Variants in HERC1 observed in about 807,000 individuals in gnomAD.
HERC1 encodes the protein HECT and RLD domain containing E3 ubiquitin protein ligase family member 1, also known as probable E3 ubiquitin-protein ligase HERC1.
Under a neutral mutation model 554.3 loss-of-function variants are expected in HERC1, and 160 were observed. The ratio of observed to expected loss-of-function variants is 0.29; its 90% CI spans 0.25 to 0.33. The LOEUF (loss-of-function observed/expected upper bound fraction) is 0.33, where lower values mean the gene tolerates loss of function less well. HERC1 is among the 10% of genes least tolerant of loss of function. HERC1 has a pLI of 1.00. For synonymous variants in HERC1, 2,175 were observed against 2,131.7 expected, an observed-to-expected ratio of 1.02 and a Z score of -0.56; for missense variants, 4,919 against 5,918.5, an observed-to-expected ratio of 0.83 and a Z score of 5.54.
intron 1 of HERC1, among the ~76,000 whole-genome samples, chr15:63,789,554 T>G (rs901136419): frequency 2.6e-5 from 4 of 151,538 alleles, no homozygotes; most frequent in African/African-American, 9.7e-5. Context: ...TCCCCGCACT[T>G]CGGAAAGCCG....
rs757585823 is a variant in HERC1 at position 63,658,537 on chromosome 15, C to A, written c.9599+7G>T. 4 of 1,605,182 alleles carry A rather than the reference C, an allele frequency of 2.5e-6. No homozygotes were observed. The South Asian group carries it at 3.3e-5, about 13-fold the overall frequency. On this transcript the variant is annotated splice_region_variant and intron_variant, in intron 48 of 77. Coordinates refer to ENST00000443617, the MANE Select transcript of HERC1 (RefSeq NM_003922.4). ...CTTAGCATCATGTGACATAAAATAA[C>A]ACTTACCTGACTGAGAGAAGAGACA...
At chr15:63,632,514 T>C (rs2068606939) in intron 68 of HERC1, 195 bp downstream of exon 68, 2 of 658,314 alleles carry the variant, frequency 3.0e-6, no homozygotes, top group Middle Eastern at 4.0e-4. Context: ...GGGGTCTTAA[T>C]GGGGAGGGGA....
At chr15:63,632,115 T>A (rs550640528) in intron 68 of HERC1, among the ~76,000 whole-genome samples, 50 of 152,224 alleles carry the variant, frequency 3.3e-4, no homozygotes, top group African/African-American at 1.2e-3. Context: ...AAAACTAAAT[T>A]CCTTACCCTT....
In HERC1 at chr15:63,608,840, CAA is replaced by C. The variant is rs2067474166; in HGVS notation, c.*239_*240del. On this transcript the variant is annotated 3_prime_UTR_variant, in exon 78 of 78. Coordinates refer to ENST00000443617, the MANE Select transcript of HERC1 (RefSeq NM_003922.4). ...TTCATGCAAACTTATCAAAAGTGAC[CAA>C]AAATATGGAGGGAAAAACCTGACTG... The C allele has an allele frequency of 1.1e-5, 4 of 360,230 alleles. No homozygotes were observed. The South Asian group carries it at 2.1e-4, about 19-fold the overall frequency. 22.3% of individuals were successfully genotyped at this position (360,230 alleles called of 1,614,324 possible).
At chr15:63,743,256 T>C (rs1294169056) in intron 12 of HERC1, among the ~76,000 whole-genome samples, 1 of 110,562 alleles carries the variant, frequency 9.0e-6, no homozygotes, top group Admixed American at 1.1e-4. Flanking sequence ...TTTCTTTTTT[T>C]CTTTTTCTTT....
At chr15:63,747,156 T>C (rs536614835) in intron 11 of HERC1, 73 bp from the exon 12 acceptor site, 24 of 1,419,560 alleles carry the variant, frequency 1.7e-5, no homozygotes, top group Admixed American at 6.7e-5. Flanking sequence ...GGTAACATTT[T>C]TATATCTTTA....
intron 2 of HERC1, among the ~76,000 whole-genome samples, chr15:63,771,195 A>C (rs894435855): frequency 1.3e-5 from 2 of 152,164 alleles, no homozygotes; most frequent in South Asian, 4.2e-4. Context: ...CCTCAAAAAA[A>C]AAAAGAAAAG....
chr15:63,661,960 A>C lies in HERC1; in HGVS notation c.8963T>G (p.Val2988Gly). ...CTTCATGTGCTGATTGAAGCTGACG[A>C]CGCTGCATTCACACAGTTCACACAC... Reference protein sequence around the residue: ...VVVCELCECSVVSFNQHMKRN... With the variant: ...VVVCELCECSGVSFNQHMKRN... Residue 2988 changes from valine (V) to glycine (G), a missense_variant, in exon 45 of 78, where the codon GTC becomes GGC. Transcript: ENST00000443617. 1.2e-6 allele frequency: 2 copies of C among 1,613,944 alleles called. No individual in the cohort carries two copies. Among genetic ancestry groups the C allele is most frequent in the Non-Finnish European group, 1.7e-6 (2 of 1,179,876 alleles).
rs2069062777 is a variant in HERC1 at position 63,641,494 on chromosome 15, A to G, written c.11583T>C (p.Leu3861=). 6.2e-7 allele frequency: 1 copy of G among 1,613,108 alleles called. No individual in the cohort carries two copies. Residue 3861 remains leucine, a synonymous_variant, in exon 60 of 78, where the codon CTT becomes CTC. Coordinates refer to ENST00000443617, the MANE Select transcript of HERC1 (RefSeq NM_003922.4). ...RAFLERLPMM[L]QEQYAYEKPH... is the part of the protein sequence containing the mutation. ...CCTTTTCATAGGCATACTGCTCCTG[A>G]AGCATCATGGGGAGCCGCTCCAAAA...
chr15:63,645,598 A>G lies in HERC1; in HGVS notation c.10963T>C (p.Ser3655Pro). ...AKEDSVKLWG[S>P]ISGCWCCLHS... Reference sequence around the variant, plus strand: ...AGACAGCACCAGCATCCCGAAATAGAGCCCCAGAGTTTCACACTGTCTTCT... The same window carrying G: ...AGACAGCACCAGCATCCCGAAATAGGGCCCCAGAGTTTCACACTGTCTTCT... Residue 3655 changes from serine to proline, a missense_variant, in exon 56 of 78, where the codon TCT becomes CCT. Ser to Pro is a moderately conservative substitution (Grantham distance 74). Transcript: ENST00000443617. 6.2e-7 allele frequency: 1 copy of G among 1,613,086 alleles called. No individual in the cohort carries two copies. Among genetic ancestry groups the G allele is most frequent in the East Asian group, 2.2e-5 (1 of 44,830 alleles).
intron 30 of HERC1, 142 bp downstream of exon 30, chr15:63,693,822 A>T (rs1321530333): frequency 3.5e-6 from 3 of 847,916 alleles, no homozygotes; most frequent in East Asian, 5.3e-5. Flanking sequence ...ATATACGTGA[A>T]GAGAAAAGAG....
chr15:63,809,545 A>G (rs745820904), intron 1 of HERC1, among the ~76,000 whole-genome samples: 1 of 152,192 alleles, frequency 6.6e-6, no homozygotes. Context: ...ATGAAGAGAA[A>G]GAATGGCCAG....
intron 32 of HERC1, 27 bp downstream of exon 32, chr15:63,690,514 T>A: frequency 6.8e-7 from 1 of 1,465,122 alleles, no homozygotes; most frequent in Non-Finnish European, 9.5e-7. Flanking sequence ...ATGGAAAACA[T>A]CTTCTAATAA....
chr15:63,670,274 G>A (rs1255892647), intron 39 of HERC1, among the ~76,000 whole-genome samples: 1 of 152,170 alleles, frequency 6.6e-6, no homozygotes, highest in African/African-American at 2.4e-5. Context: ...CCCCTTCTCC[G>A]ATGAGAATGT....
chr15:63,814,096 C>T (rs1363351794), intron 1 of HERC1, among the ~76,000 whole-genome samples: 3 of 151,954 alleles, frequency 2.0e-5, no homozygotes, highest in Non-Finnish European at 2.9e-5. Context: ...AAAAAGAGTA[C>T]AGTATTTTAA....
chr15:63,697,840 T>C (rs183813645), intron 26 of HERC1, among the ~76,000 whole-genome samples: 6 of 152,190 alleles, frequency 3.9e-5, no homozygotes, highest in Non-Finnish European at 8.8e-5. Flanking sequence ...AGCCTATTTG[T>C]TAGAAGCAAG....
chr15:63,689,750 AT>A, intron 32 of HERC1, 51 bp from the exon 33 acceptor site: 1 of 1,113,904 alleles, frequency 9.0e-7, no homozygotes, highest in Non-Finnish European at 1.3e-6. Context: ...AACTTTAAGT[AT>A]TTTTAGAAAA....
At chr15:63,632,516 G>T in intron 68 of HERC1, 193 bp downstream of exon 68, 1 of 664,658 alleles carries the variant, frequency 1.5e-6, no homozygotes, top group Non-Finnish European at 2.7e-6. Context: ...GGTCTTAATG[G>T]GGAGGGGAGT....
intron 1 of HERC1, among the ~76,000 whole-genome samples, chr15:63,799,076 A>G (rs576849149): frequency 6.6e-6 from 1 of 152,320 alleles, no homozygotes; most frequent in Admixed American, 6.5e-5. Flanking sequence ...TAATTTTCAG[A>G]CAAGTTAACT....
Sources: allele counts gnomAD v4.1 joint callset (sites outside exome capture counted in the v4.1 genomes callset), GRCh38; gene constraint gnomAD v4.1.1; transcripts MANE v1.5; gene names NCBI Gene and HGNC (gene_info 2026-07-23, HGNC 2026-07-21).